ANKDD1B: variants seen among roughly 807,000 people sequenced by gnomAD.
ANKDD1B encodes ankyrin repeat and death domain-containing protein 1B.
In ANKDD1B, 57 loss-of-function variants were observed where a neutral mutation model predicts 59.7. That is an observed-to-expected ratio of 0.95 (90% CI 0.77 to 1.19). The LOEUF (loss-of-function observed/expected upper bound fraction) is 1.19. Ranked by LOEUF, ANKDD1B falls within the 50% of genes most tolerant of loss-of-function variation. The pLI, the probability that ANKDD1B is intolerant of heterozygous loss-of-function variation, is 0.00. For synonymous variants in ANKDD1B, 216 were observed against 239.5 expected (o/e 0.90, Z 0.91); for missense variants, 602 against 641.9 (o/e 0.94, Z 0.67).
At chr5:75,648,264 A>AC (rs60948965) in intron 7 of ANKDD1B, among the ~76,000 whole-genome samples, 12,345 of 35,994 alleles carry the variant, frequency 0.34, 1,530 homozygotes, top group Middle Eastern at 0.45. Flanking sequence ...AAAAAAAAAA[A>AC]ATTAAAAAAA....
intron 5 of ANKDD1B, among the ~76,000 whole-genome samples, chr5:75,627,765 A>G (rs7706857): frequency 0.28 from 42,387 of 151,940 alleles, 6,502 homozygotes; most frequent in South Asian, 0.43. Flanking sequence ...GCTTCCATGA[A>G]AGATGGTAGT....
intron 12 of ANKDD1B, among the ~76,000 whole-genome samples, chr5:75,668,241 A>T (rs1775365832): frequency 6.6e-6 from 1 of 152,128 alleles, no homozygotes; most frequent in Non-Finnish European, 1.5e-5. Flanking sequence ...TAGATACATC[A>T]GCTCTCTAAG....
intron 3 of ANKDD1B, among the ~76,000 whole-genome samples, chr5:75,622,156 T>C (rs534388818): frequency 6.6e-6 from 1 of 152,294 alleles, no homozygotes; most frequent in African/African-American, 2.4e-5. Context: ...CCCTTCACCA[T>C]CAATATTTAT....
At chr5:75,669,567 C>G (rs144253623) in intron 13 of ANKDD1B, among the ~76,000 whole-genome samples, 184 bp downstream of exon 13, 2 of 152,232 alleles carry the variant, frequency 1.3e-5, no homozygotes, top group African/African-American at 4.8e-5. Context: ...ATGACCCAGT[C>G]AATACTGGTT....
At chr5:75,629,663 A>T (rs2112971244) in intron 5 of ANKDD1B, among the ~76,000 whole-genome samples, 1 of 152,306 alleles carries the variant, frequency 6.6e-6, no homozygotes, top group African/African-American at 2.4e-5. Context: ...AGCCAGGCAC[A>T]GTGGCTCACA....
At chr5:75,638,972 C>G (rs937044938) in intron 7 of ANKDD1B, among the ~76,000 whole-genome samples, 5 of 152,052 alleles carry the variant, frequency 3.3e-5, no homozygotes, top group Admixed American at 6.5e-5. Context: ...GTATATAAAC[C>G]TTAGTCTGAA....
chr5:75,633,901 C>T (rs1275171360), intron 5 of ANKDD1B, among the ~76,000 whole-genome samples: 2 of 152,164 alleles, frequency 1.3e-5, no homozygotes, highest in African/African-American at 2.4e-5. Context: ...GATTCATTCT[C>T]ATAGGAATAA....
chr5:75,656,829 C>G (rs1247745459), intron 9 of ANKDD1B, among the ~76,000 whole-genome samples: 2 of 152,232 alleles, frequency 1.3e-5, no homozygotes, highest in Admixed American at 6.5e-5. Context: ...AGAGAAGGCT[C>G]TGCGGTGCCC....
chr5:75,637,238 CTCAAAAAAAAAAAAA>C (rs1774337319), intron 7 of ANKDD1B, among the ~76,000 whole-genome samples: 4 of 37,060 alleles, frequency 1.1e-4, no homozygotes, highest in Non-Finnish European at 1.7e-4. Context: ...GAGACTCTGT[CTCAAAAAAAAAAAAA>C]AAAAAAAAAA....
chr5:75,637,270 A>AAAAAG (rs1561439319), intron 7 of ANKDD1B, among the ~76,000 whole-genome samples: 2 of 141,892 alleles, frequency 1.4e-5, no homozygotes, highest in South Asian at 2.2e-4. Context: ...AAAAAAAAAA[A>AAAAAG]AAAGAAAGAA....
chr5:75,625,837 CT>C lies in ANKDD1B; in HGVS notation c.496-13del. On this transcript the variant is annotated splice_polypyrimidine_tract_variant and intron_variant, in intron 4 of 13. Coordinates refer to ENST00000601380, the MANE Select transcript of ANKDD1B (RefSeq NM_001276713.2). Reference sequence around the variant, plus strand: ...AGGTCACTGTCTATCTCCCCCACCCCTGGTTCTCTTCAGGATGGAATGAGCG... The same window carrying C: ...AGGTCACTGTCTATCTCCCCCACCCCGGTTCTCTTCAGGATGGAATGAGCG... 1 of 1,534,542 alleles carries C rather than the reference CT, an allele frequency of 6.5e-7. No individual in the cohort carries two copies. The highest frequency in any genetic ancestry group is 8.7e-7 in the Non-Finnish European group (1 of 1,145,214).
chr5:75,657,768 C>T (rs1297799479), intron 9 of ANKDD1B, among the ~76,000 whole-genome samples: 1 of 151,646 alleles, frequency 6.6e-6, no homozygotes, highest in Non-Finnish European at 1.5e-5. Context: ...ATTAGCTGGG[C>T]GCCTGTAATC....
At chr5:75,616,163 A>G (rs1339497752) in intron 1 of ANKDD1B, among the ~76,000 whole-genome samples, 1 of 152,146 alleles carries the variant, frequency 6.6e-6, no homozygotes, top group Non-Finnish European at 1.5e-5. Context: ...CTACTCCCCT[A>G]CATAACAAAA....
At position 75,663,387 on chromosome 5, in the gene ANKDD1B, AT is replaced by A; in HGVS notation, c.1096-3del. On this transcript the variant is annotated splice_polypyrimidine_tract_variant and splice_region_variant and intron_variant, in intron 10 of 13. Transcript: ENST00000601380. Reference sequence around the variant, plus strand: ...TCACCTGAATTTTTTTTCTTTTTTAATTTTAGCAAGGAAAGACTGCCCTGGC... The same window carrying A: ...TCACCTGAATTTTTTTTCTTTTTTAATTTAGCAAGGAAAGACTGCCCTGGC... 6.5e-7 allele frequency: 1 copy of A among 1,535,118 alleles called. No homozygotes were observed.
intron 1 of ANKDD1B, among the ~76,000 whole-genome samples, chr5:75,613,783 T>C (rs1328448565): frequency 6.6e-6 from 1 of 152,108 alleles, no homozygotes; most frequent in Non-Finnish European, 1.5e-5. Flanking sequence ...AAAGTAAGCT[T>C]TTCCTGCAGC....
chr5:75,629,266 CTT>C (rs879700434), intron 5 of ANKDD1B, among the ~76,000 whole-genome samples: 5 of 146,420 alleles, frequency 3.4e-5, no homozygotes, highest in Non-Finnish European at 3.0e-5. Context: ...TAACACACTG[CTT>C]TTTTTTTTTA....
chr5:75,656,213 A>G (rs1774970842), intron 9 of ANKDD1B, 86 bp downstream of exon 9: 4 of 613,942 alleles, frequency 6.5e-6, no homozygotes, highest in Non-Finnish European at 1.1e-5. Flanking sequence ...ATTAAGTTCA[A>G]GGTACCTAAA....
At position 75,663,507 on chromosome 5, in the gene ANKDD1B, C is replaced by A. The variant is rs1306890213; in HGVS notation, c.1191+18C>A. 1.0e-5 allele frequency: 16 copies of A among 1,526,542 alleles called. No individual in the cohort carries two copies. Among genetic ancestry groups the A allele is most frequent in the Non-Finnish European group, 1.4e-5 (16 of 1,138,578 alleles). The allele number at this position is 1,526,542 out of a possible 1,614,324, so 94.6% of individuals were successfully genotyped here. The stretch of plus-strand genomic sequence containing the variant: ...GGAGAGAGGTAAGGAAGGACGATCC[C>A]AGCACAGCAGGGGCTTTCCTGGCAA... On this transcript the variant is annotated intron_variant, in intron 11 of 13. Transcript: ENST00000601380.
chr5:75,639,281 C>T (rs1322924322), intron 7 of ANKDD1B, among the ~76,000 whole-genome samples: 1 of 151,780 alleles, frequency 6.6e-6, no homozygotes, highest in African/African-American at 2.4e-5. Flanking sequence ...ACTGCAAACT[C>T]TGCCTCCCAG....
Sources: gnomAD v4.1 joint callset for allele counts (sites outside exome capture counted in the v4.1 genomes callset) on GRCh38, gnomAD v4.1.1 for gene constraint, MANE v1.5 for transcripts, NCBI Gene and HGNC (gene_info 2026-07-23, HGNC 2026-07-21) for gene names.